Variants in ATG10 observed in about 807,000 individuals in gnomAD.
ATG10 encodes autophagy related 10.
A neutral mutation model predicts 32.1 loss-of-function variants in ATG10; 30 were observed. That is an observed-to-expected ratio of 0.94 (90% CI 0.70 to 1.27). The LOEUF is 1.27. ATG10 is among the 50% of genes most tolerant of loss of function. The pLI is 0.00. For missense variants in ATG10, 233 were observed against 262.3 expected (o/e 0.89, Z 0.77); for synonymous variants, 87 against 91.5 (o/e 0.95, Z 0.28).
chr5:82,225,459 A>AGAGGAAAGGAGAT (rs1326289294), intron 5 of ATG10, among the ~76,000 whole-genome samples: 6 of 152,236 alleles, frequency 3.9e-5, no homozygotes, highest in Non-Finnish European at 8.8e-5. Flanking sequence ...AAGCAGGTCA[A>AGAGGAAAGGAGAT]GAGGAAAGGA....
Position 82,220,497 on chromosome 5 carries a change from C to T in ATG10, c.454-32065C>T, listed in dbSNP as rs188397610. ...CAGGATGGTCTCGATCTCCTGACCTCGTGATCTGCCTGCCTCGGCCTCCCA... is the reference window on the plus strand; with the variant it reads ...CAGGATGGTCTCGATCTCCTGACCTTGTGATCTGCCTGCCTCGGCCTCCCA... On this transcript the variant is annotated intron_variant, in intron 5 of 7. Coordinates refer to ENST00000282185, the MANE Select transcript of ATG10 (RefSeq NM_031482.5). Among the ~76,000 whole-genome samples, 310 of 152,090 alleles carry T rather than the reference C, an allele frequency of 2.0e-3. 2 individuals are homozygous for T. The highest frequency in any genetic ancestry group is 7.0e-3 in the African/African-American group (289 of 41,512).
chr5:82,011,394 C>G (rs1330366280), intron 2 of ATG10, among the ~76,000 whole-genome samples: 5 of 152,190 alleles, frequency 3.3e-5, no homozygotes, highest in African/African-American at 1.2e-4. Context: ...ATCATTATTT[C>G]TGCTCTTTGT....
intron 3 of ATG10, among the ~76,000 whole-genome samples, chr5:82,076,776 T>C (rs1764285777): frequency 6.6e-6 from 1 of 152,212 alleles, no homozygotes; most frequent in South Asian, 2.1e-4. Context: ...CTCAATTGTA[T>C]AGTAGTAGGA....
intron 2 of ATG10, among the ~76,000 whole-genome samples, chr5:81,993,389 T>C (rs555391974): frequency 3.2e-5 from 4 of 124,012 alleles, no homozygotes; most frequent in African/African-American, 1.3e-4. Flanking sequence ...TTTTCTTTTC[T>C]TTTTTTTTCT....
chr5:82,114,760 T>C (rs1436632536), intron 3 of ATG10, among the ~76,000 whole-genome samples: 1 of 152,020 alleles, frequency 6.6e-6, no homozygotes, highest in Non-Finnish European at 1.5e-5. Context: ...CTAAGTTCTA[T>C]GAAGTGGGCG....
At chr5:82,152,727 T>G (rs1354945519) in intron 3 of ATG10, among the ~76,000 whole-genome samples, 5 of 152,156 alleles carry the variant, frequency 3.3e-5, no homozygotes, top group Admixed American at 3.3e-4. Flanking sequence ...AATTTTTATA[T>G]TTTAGTGTAT....
intron 3 of ATG10, among the ~76,000 whole-genome samples, chr5:82,102,423 A>C (rs1561299450): frequency 6.6e-6 from 1 of 152,196 alleles, no homozygotes; most frequent in Non-Finnish European, 1.5e-5. Flanking sequence ...CAGTACATAC[A>C]TCTAGGTCTG....
In ATG10 at chr5:82,120,767, A is replaced by G. The variant is rs576784049; in HGVS notation, c.217-43632A>G. ...GTCTCCTTTGGCTGAGCAGAAGACT[A>G]AAGACTTGACCTCAAAGGAACTGTT... On this transcript the variant is annotated intron_variant, in intron 3 of 7. Transcript: ENST00000282185. Among the ~76,000 whole-genome samples the G allele has an allele frequency of 4.6e-5, 7 of 152,254 alleles. No individual in the cohort carries two copies. In the South Asian group the frequency reaches 1.0e-3, roughly 23 times the overall value.
chr5:82,004,894 T>C (rs1561250298), intron 2 of ATG10, among the ~76,000 whole-genome samples: 1 of 152,178 alleles, frequency 6.6e-6, no homozygotes, highest in African/African-American at 2.4e-5. Flanking sequence ...ATTCTCAAAA[T>C]GGCACCAATT....
At chr5:81,979,109 A>G (rs1350862770) in intron 1 of ATG10, among the ~76,000 whole-genome samples, 1 of 152,128 alleles carries the variant, frequency 6.6e-6, no homozygotes, top group African/African-American at 2.4e-5. Flanking sequence ...CATGTTTGCC[A>G]GGCTGGTCTT....
At chr5:81,986,633 C>T (rs1761282096) in intron 1 of ATG10, among the ~76,000 whole-genome samples, 1 of 151,908 alleles carries the variant, frequency 6.6e-6, no homozygotes, top group Admixed American at 6.6e-5. Flanking sequence ...GATCATTGGC[C>T]TTGAAGCCAA....
intron 4 of ATG10, among the ~76,000 whole-genome samples, chr5:82,173,817 G>A (rs1379363629): frequency 6.6e-6 from 1 of 152,092 alleles, no homozygotes; most frequent in Non-Finnish European, 1.5e-5. Flanking sequence ...CTCTTAACAT[G>A]GTTTAAAGTT....
intron 1 of ATG10, among the ~76,000 whole-genome samples, chr5:81,980,811 GCCTTGAAAGAGAATTA>G (rs773490213): frequency 5.3e-5 from 8 of 152,080 alleles, no homozygotes; most frequent in Non-Finnish European, 7.4e-5. Flanking sequence ...GGAGAGAACT[GCCTTGAAAGAGAATTA>G]CCAGTGGAGC....
At chr5:82,227,438 G>A (rs930020209) in intron 5 of ATG10, among the ~76,000 whole-genome samples, 6 of 151,748 alleles carry the variant, frequency 4.0e-5, no homozygotes, top group African/African-American at 9.7e-5. Flanking sequence ...GCAGTGGTGC[G>A]ATCTTGGCTT....
intron 2 of ATG10, chr5:82,009,740 C>T: frequency 6.2e-7 from 1 of 1,601,484 alleles, no homozygotes; most frequent in Non-Finnish European, 8.6e-7. Flanking sequence ...ACCACTCAGT[C>T]TTGGCAGTGC....
At chr5:81,995,124 G>T (rs1380724178) in intron 2 of ATG10, among the ~76,000 whole-genome samples, 1 of 150,986 alleles carries the variant, frequency 6.6e-6, no homozygotes, top group Non-Finnish European at 1.5e-5. Context: ...TCATGTGTGT[G>T]TATGTGTGTG....
intron 3 of ATG10, among the ~76,000 whole-genome samples, chr5:82,110,820 C>G (rs923291861): frequency 2.0e-5 from 3 of 151,968 alleles, no homozygotes; most frequent in Non-Finnish European, 4.4e-5. Flanking sequence ...TCCCATTTGT[C>G]AATTTTGTAT....
chr5:81,986,725 C>A (rs897564363), intron 1 of ATG10, among the ~76,000 whole-genome samples: 8 of 151,830 alleles, frequency 5.3e-5, no homozygotes, highest in Admixed American at 2.0e-4. Flanking sequence ...ATGCTAAGCA[C>A]CAAAGATATA....
At chr5:81,987,803 A>G in intron 2 of ATG10, 125 bp downstream of exon 2, 1 of 650,390 alleles carries the variant, frequency 1.5e-6, no homozygotes, top group Non-Finnish European at 2.7e-6. Context: ...TGATTTAGTA[A>G]AAGTCTTAAA....
Sources: allele counts gnomAD v4.1 joint callset (sites outside exome capture counted in the v4.1 genomes callset), GRCh38; gene constraint gnomAD v4.1.1; transcripts MANE v1.5; gene names NCBI Gene and HGNC (gene_info 2026-07-23, HGNC 2026-07-21).